The following CD44 variants were observed in gnomAD, a reference collection of about 807,000 sequenced individuals.
The protein encoded by CD44 is CD44 molecule (IN blood group), also known as CD44 antigen.
CD44 carries 49 observed loss-of-function variants against 88.8 expected under a neutral mutation model. The observed-to-expected ratio is 0.55, with a 90% confidence interval of 0.44 to 0.70. The LOEUF (loss-of-function observed/expected upper bound fraction) is 0.70, where lower values mean the gene tolerates loss of function less well. Ranked by LOEUF, CD44 falls within the 30% of genes least tolerant of loss-of-function variation. CD44 has a pLI of 0.00. For synonymous variants in CD44, 325 were observed against 312.3 expected (o/e 1.04, Z -0.43); for missense variants, 883 against 913.8 (o/e 0.97, Z 0.43).
chr11:35,167,018 G>A (rs1165379951), intron 1 of CD44, among the ~76,000 whole-genome samples: 1 of 152,216 alleles, frequency 6.6e-6, no homozygotes, highest in East Asian at 1.9e-4. Flanking sequence ...CTTCTAGACT[G>A]GCAGGCCTGG....
chr11:35,189,702 C>G (rs966819494), intron 4 of CD44, 133 bp from the exon 5 acceptor site: 21 of 668,546 alleles, frequency 3.1e-5, no homozygotes, highest in Non-Finnish European at 4.8e-5. Flanking sequence ...ATCTGCCACT[C>G]TCTCCCACCA....
intron 12 of CD44, among the ~76,000 whole-genome samples, 173 bp downstream of exon 12, chr11:35,208,379 T>G (rs1330762697): frequency 6.6e-6 from 1 of 152,222 alleles, no homozygotes; most frequent in Admixed American, 6.5e-5. Context: ...TCTCTCAACC[T>G]GATTTTCCCT....
chr11:35,170,006 T>A (rs57496476), intron 1 of CD44, among the ~76,000 whole-genome samples: 180 of 152,364 alleles, frequency 1.2e-3, no homozygotes, highest in African/African-American at 4.1e-3. Context: ...CATAGCATTT[T>A]TATGAGAATT....
At chr11:35,178,939 T>C (rs781581851) in intron 2 of CD44, among the ~76,000 whole-genome samples, 1 of 152,218 alleles carries the variant, frequency 6.6e-6, no homozygotes, top group Non-Finnish European at 1.5e-5. Flanking sequence ...CAGAGTCTCA[T>C]GGGTTAGGAT....
intron 5 of CD44, among the ~76,000 whole-genome samples, chr11:35,194,686 G>A (rs1020269671): frequency 6.6e-6 from 1 of 152,164 alleles, no homozygotes. Flanking sequence ...TATCAGAAAG[G>A]CCTGTGGATC....
At chr11:35,225,067 C>A (rs1387101348) in intron 17 of CD44, among the ~76,000 whole-genome samples, 1 of 125,260 alleles carries the variant, frequency 8.0e-6, no homozygotes, top group African/African-American at 2.6e-5. Flanking sequence ...TATTCTATAC[C>A]TCCACTGTCC....
chr11:35,221,916 G>C (rs1591340033), intron 17 of CD44, among the ~76,000 whole-genome samples, 184 bp downstream of exon 17: 1 of 152,316 alleles, frequency 6.6e-6, no homozygotes, highest in South Asian at 2.1e-4. Context: ...ATCTTAACAA[G>C]TTTCCAGGGA....
intron 17 of CD44, chr11:35,222,532 G>T: frequency 9.5e-7 from 1 of 1,048,862 alleles, no homozygotes. Flanking sequence ...TTATATTCTT[G>T]AAGGCCACTC....
At chr11:35,181,797 T>A (rs1471280033) in intron 3 of CD44, among the ~76,000 whole-genome samples, 18 of 116,790 alleles carry the variant, frequency 1.5e-4, no homozygotes, top group African/African-American at 4.7e-4. Flanking sequence ...AATTTATATA[T>A]AAATTATATT....
intron 17 of CD44, chr11:35,223,448 A>C (rs984895688): frequency 5.6e-5 from 12 of 215,854 alleles, no homozygotes; most frequent in Admixed American, 6.5e-5. Flanking sequence ...ATTTAGGGAG[A>C]CCTCGGAGAA....
In CD44 at chr11:35,231,521, T is replaced by A. The variant is rs1284705597; in HGVS notation, c.*2188T>A. The A allele has an allele frequency of 6.6e-6, 1 of 152,220 alleles. No homozygotes were observed. The highest frequency in any genetic ancestry group is 1.5e-5 in the Non-Finnish European group (1 of 68,028). 9.4% of individuals were successfully genotyped at this position (152,220 alleles called of 1,614,324 possible). A position where few individuals can be genotyped will look rare whatever the true frequency, so the allele number is the denominator to read the frequency against. ...TTAAATACTTTTTTCCCTTTATTAC[T>A]GTTGTAGTCCCTCACTTGGATATAC... On this transcript the variant is annotated 3_prime_UTR_variant, in exon 18 of 18. Coordinates refer to ENST00000428726, the MANE Select transcript of CD44 (RefSeq NM_000610.4).
intron 15 of CD44, 136 bp from the exon 16 acceptor site, chr11:35,219,180 A>C (rs1949091133): frequency 1.5e-6 from 1 of 671,536 alleles, no homozygotes; most frequent in African/African-American, 1.8e-5. Context: ...AATGCTTTAT[A>C]AACATCTGCA....
At chr11:35,161,478 G>A (rs1360259356) in intron 1 of CD44, among the ~76,000 whole-genome samples, 1 of 152,178 alleles carries the variant, frequency 6.6e-6, no homozygotes, top group African/African-American at 2.4e-5. Flanking sequence ...TGAAGCAATG[G>A]ATGGCATAGA....
rs981877451 is a variant in CD44, at chr11:35,181,694, T to A, written c.367+1287T>A. ...CATATATATATATTTATATATATAT[T>A]TATTTATATATATTTATAAATATTT... On this transcript the variant is annotated intron_variant, in intron 3 of 17. Coordinates refer to ENST00000428726, the MANE Select transcript of CD44 (RefSeq NM_000610.4). Among the ~76,000 whole-genome samples the A allele has an allele frequency of 1.3e-3, 179 of 135,384 alleles. 1 individual carries two copies. The highest frequency in any genetic ancestry group is 1.5e-3 in the Non-Finnish European group (99 of 64,818). The allele number at this position is 135,384 out of a possible 152,430, so 88.8% of individuals were successfully genotyped here. A position where few individuals can be genotyped will look rare whatever the true frequency, so the allele number is the denominator to read the frequency against.
intron 1 of CD44, among the ~76,000 whole-genome samples, chr11:35,143,996 C>T (rs1334004643): frequency 6.6e-6 from 1 of 152,246 alleles, no homozygotes; most frequent in Non-Finnish European, 1.5e-5. Flanking sequence ...AGACCCACTC[C>T]TCACATGCTC....
intron 5 of CD44, among the ~76,000 whole-genome samples, chr11:35,196,304 T>C (rs1218397466): frequency 6.6e-6 from 1 of 152,222 alleles, no homozygotes; most frequent in East Asian, 1.9e-4. Flanking sequence ...TGGAAGAACA[T>C]TCCTCTTCCT....
At chr11:35,142,803 T>G (rs1858260578) in intron 1 of CD44, among the ~76,000 whole-genome samples, 1 of 152,180 alleles carries the variant, frequency 6.6e-6, no homozygotes, top group Non-Finnish European at 1.5e-5. Context: ...CAGCATGAAA[T>G]TCTTAGTTCA....
chr11:35,181,926 T>TATTA (rs10675782), intron 3 of CD44, among the ~76,000 whole-genome samples: 2 of 44,546 alleles, frequency 4.5e-5, no homozygotes, highest in African/African-American at 9.4e-5. Flanking sequence ...ATATATTATA[T>TATTA]TATATATAAA....
At chr11:35,226,160 A>G (rs1949676904) in intron 17 of CD44, among the ~76,000 whole-genome samples, 1 of 152,212 alleles carries the variant, frequency 6.6e-6, no homozygotes, top group Non-Finnish European at 1.5e-5. Context: ...CATAAATCCA[A>G]AGGGAAATGC....
Sources: gnomAD v4.1 joint callset for allele counts (sites outside exome capture counted in the v4.1 genomes callset) on GRCh38, gnomAD v4.1.1 for gene constraint, MANE v1.5 for transcripts, NCBI Gene and HGNC (gene_info 2026-07-23, HGNC 2026-07-21) for gene names.